Variants in DOCK7 observed in about 807,000 individuals in gnomAD.
DOCK7 encodes dedicator of cytokinesis protein 7.
In DOCK7, 138 loss-of-function variants were observed where a neutral mutation model predicts 271.0. The ratio of observed to expected loss-of-function variants is 0.51; its 90% confidence interval spans 0.44 to 0.59. The LOEUF (loss-of-function observed/expected upper bound fraction) is 0.59. Ranked by LOEUF, DOCK7 falls within the 20% of genes least tolerant of loss-of-function variation. The pLI is 0.00. For missense variants in DOCK7, 2,066 were observed against 2,592.4 expected (o/e 0.80, Z 4.41); for synonymous variants, 823 against 876.1 (o/e 0.94, Z 1.07).
intron 2 of DOCK7, among the ~76,000 whole-genome samples, chr1:62,656,803 G>T: frequency 6.6e-6 from 1 of 151,746 alleles, no homozygotes; most frequent in Non-Finnish European, 1.5e-5. Flanking sequence ...TGGGAGGGCC[G>T]GGGGGTGGGG....
chr1:62,587,299 TAAAAAAAAAAAAAA>T, intron 14 of DOCK7, among the ~76,000 whole-genome samples: 1 of 41,818 alleles, frequency 2.4e-5, no homozygotes, highest in Non-Finnish European at 5.4e-5. Context: ...ACCAAATAGC[TAAAAAAAAAAAAAA>T]AAAAAAAAAA....
chr1:62,600,176 T>C (rs915511006), intron 14 of DOCK7, among the ~76,000 whole-genome samples: 2 of 151,820 alleles, frequency 1.3e-5, no homozygotes, highest in Non-Finnish European at 2.9e-5. Context: ...AGCAAAATGT[T>C]ACTATAGTAA....
intron 14 of DOCK7, among the ~76,000 whole-genome samples, chr1:62,597,205 A>T (rs1248151389): frequency 6.6e-6 from 1 of 152,166 alleles, no homozygotes; most frequent in East Asian, 1.9e-4. Context: ...AATTTACCCA[A>T]CAAAAAAGTT....
At chr1:62,613,251 A>T (rs1385477104) in intron 14 of DOCK7, among the ~76,000 whole-genome samples, 2 of 152,198 alleles carry the variant, frequency 1.3e-5, no homozygotes, top group Admixed American at 6.5e-5. Context: ...CAAGAATTTG[A>T]TGTAAACCCC....
chr1:62,650,215 G>A (rs559924895), intron 4 of DOCK7, among the ~76,000 whole-genome samples: 3 of 151,940 alleles, frequency 2.0e-5, no homozygotes, highest in Non-Finnish European at 4.4e-5. Context: ...TACCTGTGTT[G>A]GTTTATTGTC....
intron 1 of DOCK7, among the ~76,000 whole-genome samples, chr1:62,683,516 GC>G (rs1423321742): frequency 6.6e-6 from 1 of 152,188 alleles, no homozygotes; most frequent in Non-Finnish European, 1.5e-5. Context: ...TACTTATGCA[GC>G]AAAAGGATAC....
intron 28 of DOCK7, among the ~76,000 whole-genome samples, chr1:62,536,305 G>A (rs930014063): frequency 2.0e-5 from 3 of 152,056 alleles, no homozygotes; most frequent in Non-Finnish European, 4.4e-5. Flanking sequence ...TTATCTGAAA[G>A]AATCTGAAAA....
rs1373979324 is a variant in DOCK7, at chr1:62,571,777, T to G, written c.2112+5485A>C. Among the ~76,000 whole-genome samples, 2 of 152,254 alleles carry G rather than the reference T, an allele frequency of 1.3e-5. 1 individual carries two copies. Among genetic ancestry groups the G allele is most frequent in the South Asian group, 4.1e-4 (2 of 4,828 alleles). ...GGAACATGGATGGAGCTGGAAGCCA[T>G]TATCCTGAACAAACTAATGCAGGAA... On this transcript the variant is annotated intron_variant, in intron 18 of 49. Coordinates refer to ENST00000635253, the MANE Select transcript of DOCK7 (RefSeq NM_001367561.1).
intron 11 of DOCK7, 29 bp from the exon 12 acceptor site, chr1:62,625,430 T>G (rs1446591115): frequency 4.5e-6 from 7 of 1,567,508 alleles, no homozygotes; most frequent in Admixed American, 1.9e-5. Context: ...AAAAATTCAT[T>G]TTCATAGAAG....
chr1:62,509,878 G>A (rs1030839674), intron 34 of DOCK7, among the ~76,000 whole-genome samples: 1 of 152,160 alleles, frequency 6.6e-6, no homozygotes, highest in Admixed American at 6.5e-5. Flanking sequence ...CTTAGGACAG[G>A]ACTAAAGGGC....
intron 27 of DOCK7, 62 bp downstream of exon 27, chr1:62,539,483 T>C: frequency 7.3e-7 from 1 of 1,376,136 alleles, no homozygotes. Context: ...GCTCTAACTT[T>C]GAAAAGAACT....
At chr1:62,505,384 A>G (rs1646909733) in intron 36 of DOCK7, among the ~76,000 whole-genome samples, 1 of 152,208 alleles carries the variant, frequency 6.6e-6, no homozygotes, top group African/African-American at 2.4e-5. Context: ...AGAGAAAACA[A>G]GAGAAGCCCC....
intron 31 of DOCK7, among the ~76,000 whole-genome samples, chr1:62,525,174 T>C (rs1035569518): frequency 6.6e-6 from 1 of 151,174 alleles, no homozygotes; most frequent in African/African-American, 2.4e-5. Flanking sequence ...TCTGGCTAAT[T>C]TTTTTGTATT....
chr1:62,504,784 T>C lies in DOCK7; in HGVS notation c.4612-2A>G. ...TTCTTCAAATAAGAGTTCAGGAAAC[T>C]GTAAAACAACAAAACAAACCACCAC... On this transcript the variant is annotated splice_acceptor_variant, in intron 36 of 49. Coordinates refer to ENST00000635253, the MANE Select transcript of DOCK7 (RefSeq NM_001367561.1). LOFTEE classifies it high-confidence loss of function. 1 of 1,608,884 alleles carries C rather than the reference T, an allele frequency of 6.2e-7. No homozygotes were observed. Among genetic ancestry groups the C allele is most frequent in the Non-Finnish European group, 8.5e-7 (1 of 1,178,734 alleles).
At chr1:62,490,107 A>G (rs1467710829) in intron 41 of DOCK7, among the ~76,000 whole-genome samples, 1 of 96,852 alleles carries the variant, frequency 1.0e-5, no homozygotes, top group Non-Finnish European at 2.1e-5. Context: ...GTCTTGTTCT[A>G]TTGTTTAGGT....
intron 18 of DOCK7, among the ~76,000 whole-genome samples, chr1:62,572,094 G>A (rs958727023): frequency 4.6e-5 from 7 of 152,100 alleles, no homozygotes; most frequent in African/African-American, 1.7e-4. Context: ...TCAAAGTCTG[G>A]TCTGAGAATC....
intron 43 of DOCK7, chr1:62,482,208 C>T (rs1284916580): frequency 6.6e-6 from 1 of 152,174 alleles, no homozygotes; most frequent in Non-Finnish European, 1.5e-5. Flanking sequence ...ATCCTTATCA[C>T]AACTTTATGT....
intron 4 of DOCK7, among the ~76,000 whole-genome samples, chr1:62,651,029 A>C (rs1657280886): frequency 6.6e-6 from 1 of 152,104 alleles, no homozygotes; most frequent in Non-Finnish European, 1.5e-5. Context: ...ACAATAGCAA[A>C]GACTTGGAAC....
chr1:62,655,730 A>T (rs1657945506), intron 2 of DOCK7, among the ~76,000 whole-genome samples: 1 of 152,154 alleles, frequency 6.6e-6, no homozygotes, highest in Non-Finnish European at 1.5e-5. Flanking sequence ...CCCAGCCTGG[A>T]CTTAACATTT....
Sources: gnomAD v4.1 joint callset for allele counts (sites outside exome capture counted in the v4.1 genomes callset) on GRCh38, gnomAD v4.1.1 for gene constraint, MANE v1.5 for transcripts, NCBI Gene and HGNC (gene_info 2026-07-23, HGNC 2026-07-21) for gene names.